The following KHDRBS3 variants were observed in gnomAD, a reference collection of about 807,000 sequenced individuals.
The protein encoded by KHDRBS3 is KH RNA binding domain containing, signal transduction associated 3, also known as KH domain-containing, RNA-binding, signal transduction-associated protein 3.
KHDRBS3 carries 23 observed loss-of-function variants against 45.6 expected under a neutral mutation model. That is an observed-to-expected ratio of 0.50 (90% CI 0.36 to 0.72). The LOEUF is 0.72. KHDRBS3 is among the 30% of genes least tolerant of loss of function. The probability of loss-of-function intolerance (pLI) is 0.00; values close to 1 mark genes in which losing one functional copy is unlikely to be tolerated. For missense variants in KHDRBS3, 352 were observed against 424.8 expected (o/e 0.83, Z 1.51); for synonymous variants, 162 against 156.5 (o/e 1.04, Z -0.26).
At chr8:135,477,080 C>G (rs1025735594) in intron 1 of KHDRBS3, among the ~76,000 whole-genome samples, 2 of 152,110 alleles carry the variant, frequency 1.3e-5, no homozygotes, top group African/African-American at 4.8e-5. Flanking sequence ...ATTGCACATG[C>G]AATTCCAGGA....
At chr8:135,496,820 T>A (rs1823474236) in intron 1 of KHDRBS3, among the ~76,000 whole-genome samples, 1 of 152,228 alleles carries the variant, frequency 6.6e-6, no homozygotes, top group Non-Finnish European at 1.5e-5. Context: ...GGAACTCAGC[T>A]GGGAGCTTAG....
At chr8:135,552,053 T>C (rs1200180597) in intron 4 of KHDRBS3, among the ~76,000 whole-genome samples, 1 of 152,178 alleles carries the variant, frequency 6.6e-6, no homozygotes, top group Admixed American at 6.5e-5. Context: ...GTATAATCTG[T>C]TGTTTTTCTC....
intron 5 of KHDRBS3, among the ~76,000 whole-genome samples, chr8:135,564,350 G>A (rs765849547): frequency 3.9e-5 from 6 of 152,150 alleles, no homozygotes; most frequent in South Asian, 2.1e-4. Flanking sequence ...CACCCAATAT[G>A]CATAATTGCT....
At chr8:135,541,561 T>G (rs1387806394) in intron 2 of KHDRBS3, 1 of 152,150 alleles carries the variant, frequency 6.6e-6, no homozygotes, top group Non-Finnish European at 1.5e-5. Flanking sequence ...TTCAGGAAAA[T>G]TACTTCAATT....
intron 3 of KHDRBS3, 38 bp from the exon 4 acceptor site, chr8:135,548,716 C>T (rs1245946883): frequency 2.1e-6 from 3 of 1,403,054 alleles, no homozygotes; most frequent in Non-Finnish European, 2.8e-6. Context: ...CTTATAATGA[C>T]ACGTTTTTAA....
chr8:135,519,189 C>T (rs1824777354), intron 1 of KHDRBS3, among the ~76,000 whole-genome samples: 2 of 152,186 alleles, frequency 1.3e-5, no homozygotes, highest in East Asian at 1.9e-4. Flanking sequence ...AGTTTCTACC[C>T]TGCTTCCTTC....
intron 6 of KHDRBS3, among the ~76,000 whole-genome samples, chr8:135,599,462 A>G (rs1160598258): frequency 6.6e-6 from 1 of 152,256 alleles, no homozygotes; most frequent in Non-Finnish European, 1.5e-5. Flanking sequence ...AGTTCTTGTC[A>G]TCAAATTTTA....
At chr8:135,613,224 T>A (rs966389609) in intron 7 of KHDRBS3, among the ~76,000 whole-genome samples, 1 of 151,948 alleles carries the variant, frequency 6.6e-6, no homozygotes, top group African/African-American at 2.4e-5. Flanking sequence ...ACATTTTTAT[T>A]TGTGCCGATG....
chr8:135,606,533 CT>C (rs1260488957), intron 6 of KHDRBS3, among the ~76,000 whole-genome samples: 5 of 152,124 alleles, frequency 3.3e-5, no homozygotes, highest in African/African-American at 1.2e-4. Context: ...ATTCTGCCCC[CT>C]CCAGCAGCAT....
chr8:135,524,933 T>C (rs985370219), intron 2 of KHDRBS3, among the ~76,000 whole-genome samples: 1 of 152,214 alleles, frequency 6.6e-6, no homozygotes, highest in Non-Finnish European at 1.5e-5. Context: ...GTTATTTTCC[T>C]CTCTGTCACT....
chr8:135,619,624 A>G (rs1336698839), intron 7 of KHDRBS3, among the ~76,000 whole-genome samples: 2 of 152,248 alleles, frequency 1.3e-5, no homozygotes, highest in African/African-American at 4.8e-5. Context: ...CATGTCATAT[A>G]TGGAAAGCAT....
intron 5 of KHDRBS3, among the ~76,000 whole-genome samples, chr8:135,573,910 C>G (rs1284461921): frequency 6.6e-6 from 1 of 152,090 alleles, no homozygotes; most frequent in Non-Finnish European, 1.5e-5. Context: ...TTTCAAAACT[C>G]TATGCAGATG....
chr8:135,556,743 T>A (rs905358259), intron 4 of KHDRBS3, among the ~76,000 whole-genome samples: 1 of 152,170 alleles, frequency 6.6e-6, no homozygotes, highest in African/African-American at 2.4e-5. Flanking sequence ...TACATTTAAA[T>A]TTACCCATGT....
At chr8:135,571,351 T>G (rs1827693592) in intron 5 of KHDRBS3, among the ~76,000 whole-genome samples, 2 of 152,216 alleles carry the variant, frequency 1.3e-5, no homozygotes, top group Non-Finnish European at 2.9e-5. Context: ...TCAGAACTTG[T>G]AATAGTTTTA....
At chr8:135,536,473 A>G (rs1825761973) in intron 2 of KHDRBS3, among the ~76,000 whole-genome samples, 1 of 152,114 alleles carries the variant, frequency 6.6e-6, no homozygotes, top group Non-Finnish European at 1.5e-5. Flanking sequence ...ACTAGCACTC[A>G]GGTTCGCAGG....
At chr8:135,615,342 G>A (rs1829873595) in intron 7 of KHDRBS3, among the ~76,000 whole-genome samples, 1 of 151,764 alleles carries the variant, frequency 6.6e-6, no homozygotes, top group East Asian at 1.9e-4. Context: ...ATTATATATT[G>A]ACCATCTGCT....
In KHDRBS3 at chr8:135,647,104, G is replaced by C. The variant is rs1399163228; in HGVS notation, c.*20G>C. 2.2e-6 allele frequency: 3 copies of C among 1,353,580 alleles called. No individual in the cohort carries two copies. The African/African-American group carries it at 4.3e-5, about 19-fold the overall frequency. 83.8% of individuals were successfully genotyped at this position (1,353,580 alleles called of 1,614,324 possible). A position where few individuals can be genotyped will look rare whatever the true frequency, so the allele number is the denominator to read the frequency against. On this transcript the variant is annotated 3_prime_UTR_variant, in exon 9 of 9. Coordinates refer to ENST00000355849, the MANE Select transcript of KHDRBS3 (RefSeq NM_006558.3). ...TACTGATTGTACTGTCTGATGTTGT[G>C]AAATAGCCAATCTCCACCAGTCCTG... is the stretch of plus-strand genomic sequence containing the variant.
chr8:135,553,209 A>T (rs1826700012), intron 4 of KHDRBS3, among the ~76,000 whole-genome samples: 1 of 151,804 alleles, frequency 6.6e-6, no homozygotes, highest in Non-Finnish European at 1.5e-5. Context: ...AGCAGGCCAG[A>T]CTCTCATATT....
At chr8:135,479,947 A>G (rs944911190) in intron 1 of KHDRBS3, among the ~76,000 whole-genome samples, 5 of 152,204 alleles carry the variant, frequency 3.3e-5, no homozygotes, top group African/African-American at 1.2e-4. Flanking sequence ...ACATATAAAA[A>G]TGGAGGATTA....
Sources: allele counts gnomAD v4.1 joint callset (sites outside exome capture counted in the v4.1 genomes callset), GRCh38; gene constraint gnomAD v4.1.1; transcripts MANE v1.5; gene names NCBI Gene and HGNC (gene_info 2026-07-23, HGNC 2026-07-21).